KLK4: variants seen among roughly 807,000 people sequenced by gnomAD.
KLK4 encodes kallikrein-4.
A neutral mutation model predicts 24.3 loss-of-function variants in KLK4; 24 were observed. That is an observed-to-expected ratio of 0.99 (90% CI 0.72 to 1.39). The LOEUF (loss-of-function observed/expected upper bound fraction) is 1.39, where lower values mean the gene tolerates loss of function less well. Among genes scored for constraint, KLK4 ranks in the 40% most tolerant of loss-of-function variants. The probability of loss-of-function intolerance (pLI) is 0.00; values close to 1 mark genes in which losing one functional copy is unlikely to be tolerated. For missense variants in KLK4, 344 were observed against 327.4 expected (o/e 1.05, Z -0.39); for synonymous variants, 142 against 138.8 (o/e 1.02, Z -0.16).
rs1048592457 is a variant in KLK4 at position 50,910,715 on chromosome 19, C to A, written c.24G>T (p.Trp8Cys). ...GGATGAGGTACCCCAGGAACCAGCC[C>A]CAGGGATTTCCTGCTGTGGCCATCA... Residue 8 changes from tryptophan to cysteine, a missense_variant, in exon 2 of 6, where the codon TGG becomes TGT. Trp to Cys is a radical substitution (Grantham distance 215, BLOSUM62 -2). Coordinates refer to ENST00000324041, the Ensembl canonical transcript of KLK4. This position sits in a 1 kb window ranked among gnomAD's most constrained non-coding sequence, Gnocchi z 4.4. The A allele has an allele frequency of 3.9e-6, 6 of 1,554,882 alleles. No homozygotes were observed. In the African/African-American group the frequency reaches 6.8e-5, roughly 18 times the overall value.
exon 4 of KLK4, chr19:50,908,796 A>G (rs769385160): frequency 8.7e-6 from 14 of 1,612,866 alleles, no homozygotes; most frequent in Non-Finnish European, 1.2e-5. Context: ...GGTCGGCCTC[A>G]AGACTGTGCA....
rs377676332 is a variant in KLK4, at chr19:50,908,416, C to T, written c.555G>A (p.Leu185=). 14 of 1,613,996 alleles carry T rather than the reference C, an allele frequency of 8.7e-6. No individual in the cohort carries two copies. The African/African-American group carries it at 1.5e-4, about 17-fold the overall frequency. ...CGGCGCAGAACATGCTGGGGTGGTACAGCGGGTCATAGAGCTTACTGCAGA... is the reference window on the plus strand; with the variant it reads ...CGGCGCAGAACATGCTGGGGTGGTATAGCGGGTCATAGAGCTTACTGCAGA... Residue 185 remains leucine (L), a synonymous_variant, in exon 5 of 6, where the codon CTG becomes CTA. Transcript: ENST00000324041.
At chr19:50,906,448 T>G (rs1015226755) in exon 6 of KLK4, 3 of 198,220 alleles carry the variant, frequency 1.5e-5, no homozygotes, top group African/African-American at 7.1e-5. Context: ...AAGGGGGCAC[T>G]GTGTACAGGG....
exon 3 of KLK4, chr19:50,909,414 C>A: frequency 6.2e-7 from 1 of 1,613,962 alleles, no homozygotes; most frequent in South Asian, 1.1e-5. Context: ...GACGAGCGAT[C>A]CTGAGGGCGG....
intron 2 of KLK4, among the ~76,000 whole-genome samples, chr19:50,909,765 G>C (rs198967): frequency 6.6e-6 from 1 of 151,948 alleles, no homozygotes; most frequent in Non-Finnish European, 1.5e-5. Context: ...AGGGCTCCCA[G>C]GGGCGGTGAT....
chr19:50,908,389 G>T, exon 5 of KLK4: 1 of 1,613,698 alleles, frequency 6.2e-7, no homozygotes. Context: ...CTTGCCCTCC[G>T]CCGGCGCAGA....
rs1297855582 is a variant in KLK4, at chr19:50,910,059, C to G, written c.61+619G>C. Among the ~76,000 whole-genome samples the G allele has an allele frequency of 6.6e-6, 1 of 151,956 alleles. No individual in the cohort carries two copies. Among genetic ancestry groups the G allele is most frequent in the Non-Finnish European group, 1.5e-5 (1 of 67,966 alleles). ...GTCAGGAGGGGTTCAACAGAGGAGT[C>G]TAGGCTCATAGCAGTAGGATCGGGT... On this transcript the variant is annotated intron_variant, in intron 2 of 5. Transcript: ENST00000324041. The surrounding 1 kb of genome is among the most constrained non-coding windows in gnomAD (Gnocchi z 4.4).
Position 50,910,734 on chromosome 19 carries a change from G to A in KLK4, c.5C>T (p.Ala2Val). 6.4e-7 allele frequency: 1 copy of A among 1,553,222 alleles called. No individual in the cohort carries two copies. Residue 2 changes from alanine (A) to valine (V), a missense_variant, in exon 2 of 6, where the codon GCC becomes GTC. Coordinates refer to ENST00000324041, the Ensembl canonical transcript of KLK4. The surrounding 1 kb of genome is among the most constrained non-coding windows in gnomAD (Gnocchi z 4.4). ...CCAGCCCCAGGGATTTCCTGCTGTG[G>A]CCATCACGTCAGCACCTGGGGATGA...
At position 50,910,868 on chromosome 19, in the gene KLK4, G is replaced by A; in HGVS notation, c.-11-119C>T. The A allele has an allele frequency of 1.2e-6, 1 of 826,824 alleles. No homozygotes were observed. The highest frequency in any genetic ancestry group is 2.0e-6 in the Non-Finnish European group (1 of 494,224). The allele number at this position is 826,824 out of a possible 1,614,324, so 51.2% of individuals were successfully genotyped here. On this transcript the variant is annotated intron_variant, in intron 1 of 5. Coordinates refer to ENST00000324041, the Ensembl canonical transcript of KLK4. This position sits in a 1 kb window ranked among gnomAD's most constrained non-coding sequence, Gnocchi z 4.4. ...ACGTTATTAGGTAGGCAAGAGCCTA[G>A]ACCATCTACCCCCTCTCCCATCCAT...
At position 50,910,880 on chromosome 19, in the gene KLK4, C is replaced by A; in HGVS notation, c.-11-131G>T. The A allele has an allele frequency of 9.3e-6, 7 of 749,022 alleles. No homozygotes were observed. The South Asian group carries it at 1.0e-4, about 11-fold the overall frequency. 46.4% of individuals were successfully genotyped at this position (749,022 alleles called of 1,614,324 possible). A position where few individuals can be genotyped will look rare whatever the true frequency, so the allele number is the denominator to read the frequency against. On this transcript the variant is annotated intron_variant, in intron 1 of 5. Coordinates refer to ENST00000324041, the Ensembl canonical transcript of KLK4. The surrounding 1 kb of genome is among the most constrained non-coding windows in gnomAD (Gnocchi z 4.4). ...AGGCAAGAGCCTAGACCATCTACCC[C>A]CTCTCCCATCCATGGACCCAGAACC...
exon 3 of KLK4, chr19:50,909,298 G>A: frequency 6.2e-7 from 1 of 1,614,224 alleles, no homozygotes; most frequent in Non-Finnish European, 8.5e-7. Context: ...GGATGCACCA[G>A]GACGCCCGAG....
At chr19:50,909,721 C>T (rs563765444) in intron 2 of KLK4, among the ~76,000 whole-genome samples, 1 of 151,408 alleles carries the variant, frequency 6.6e-6, no homozygotes, top group East Asian at 2.0e-4. Flanking sequence ...GGGTCATGAT[C>T]GGAGCTTCAG....
chr19:50,910,772 A>C lies in KLK4; in HGVS notation c.-11-23T>G. ...CACCTGGGGATGAGGACTGAGACTT[A>C]GCCGTGTCTGGGGATCTTCAGCCCA... On this transcript the variant is annotated intron_variant, in intron 1 of 5. Transcript: ENST00000324041. The surrounding 1 kb of genome is among the most constrained non-coding windows in gnomAD (Gnocchi z 4.4). 1 of 1,542,744 alleles carries C rather than the reference A, an allele frequency of 6.5e-7. No individual in the cohort carries two copies.
At chr19:50,908,454 CCACCGA>C in exon 5 of KLK4, 1 of 1,614,196 alleles carries the variant, frequency 6.2e-7, no homozygotes, top group Non-Finnish European at 8.5e-7. Flanking sequence ...TCCTCAGACA[CCACCGA>C]CACGTTCACG....
chr19:50,909,455 G>A, intron 2 of KLK4, 41 bp from the exon 3 acceptor site: 1 of 1,607,660 alleles, frequency 6.2e-7, no homozygotes, highest in Non-Finnish European at 8.5e-7. Context: ...CCAGGAGGCG[G>A]GCCCAGGGTT....
chr19:50,910,546 G>C lies in KLK4; in HGVS notation c.61+132C>G, dbSNP rs198969. 0.52 allele frequency: 428,569 copies of C among 828,416 alleles called. 115,340 individuals are homozygous for C. The highest frequency in any genetic ancestry group is 0.66 in the Admixed American group (32,985 of 49,896). The allele number at this position is 828,416 out of a possible 1,614,324, so 51.3% of individuals were successfully genotyped here. Reference sequence around the variant, plus strand: ...AGGAGTTGCAGGGGCACAGCCATGGGGGACGGATAACACGGTACCGTCTCA... The same window carrying C: ...AGGAGTTGCAGGGGCACAGCCATGGCGGACGGATAACACGGTACCGTCTCA... On this transcript the variant is annotated intron_variant, in intron 2 of 5. Transcript: ENST00000324041. The surrounding 1 kb of genome is among the most constrained non-coding windows in gnomAD (Gnocchi z 4.4).
intron 5 of KLK4, 104 bp downstream of exon 5, chr19:50,908,255 G>T: frequency 7.5e-7 from 1 of 1,331,348 alleles, no homozygotes; most frequent in Non-Finnish European, 1.1e-6. Flanking sequence ...GTCTCCCTGT[G>T]TGTCTCTCCA....
rs1339242098 is a variant in KLK4 at position 50,909,338 on chromosome 19, C to A, written c.138G>T (p.Ala46=). The A allele has an allele frequency of 6.2e-6, 10 of 1,614,110 alleles. No individual in the cohort carries two copies. In the African/African-American group the frequency reaches 1.3e-4, roughly 22 times the overall value. ...ACAATTCGTTTTCCATGACCAGTGC[C>A]GCCTGCCAGGGCTGCGAGTGCGGGC... The change falls in exon 3 of 6, where the codon GCG becomes GCT. Residue 46 remains alanine, a synonymous_variant. Transcript: ENST00000324041.
At chr19:50,909,530 G>C in intron 2 of KLK4, 116 bp from the exon 3 acceptor site, 1 of 1,127,476 alleles carries the variant, frequency 8.9e-7, no homozygotes, top group Non-Finnish European at 1.3e-6. Flanking sequence ...GGCTCCTCGG[G>C]GCGGAGTCAG....
Sources: gnomAD v4.1 joint callset for allele counts (sites outside exome capture counted in the v4.1 genomes callset) on GRCh38, gnomAD v4.1.1 for gene constraint, Gnocchi (gnomAD v3.1) non-coding constraint, MANE v1.5 for transcripts, NCBI Gene and HGNC (gene_info 2026-07-23, HGNC 2026-07-21) for gene names.